The following GYG2 variants were observed in gnomAD, a reference collection of about 807,000 sequenced individuals.
GYG2 encodes the protein glycogenin 2.
A neutral mutation model predicts 29.4 loss-of-function variants in GYG2; 29 were observed. That is an observed-to-expected ratio of 0.99 (90% confidence interval 0.74 to 1.35). The LOEUF is 1.35. GYG2 is among the 40% of genes most tolerant of loss of function. The probability of loss-of-function intolerance (pLI) is 0.00; values close to 1 mark genes in which losing one functional copy is unlikely to be tolerated. For missense variants in GYG2, 370 were observed against 385.7 expected, an observed-to-expected ratio of 0.96 and a Z score of 0.34; for synonymous variants, 167 against 172.3, an observed-to-expected ratio of 0.97 and a Z score of 0.24.
At chrX:2,860,147 T>G (rs1353111853) in intron 7 of GYG2, 82 bp downstream of exon 7, 1 of 547,850 alleles carries the variant, frequency 1.8e-6, no homozygotes, top group African/African-American at 2.4e-5. Context: ...GGTTTTTTTT[T>G]GAAATGCCCC....
intron 4 of GYG2, 112 bp from the exon 5 acceptor site, chrX:2,854,881 G>A (rs772670850): frequency 4.6e-6 from 4 of 875,182 alleles, no homozygotes; most frequent in Non-Finnish European, 6.4e-6. Flanking sequence ...GCAGTGAGCC[G>A]AGACTGAAGC....
intron 8 of GYG2, among the ~76,000 whole-genome samples, chrX:2,867,534 G>C (rs1270628531): frequency 9.0e-6 from 1 of 111,564 alleles, no homozygotes; most frequent in Non-Finnish European, 1.9e-5. Context: ...CTTGGACGCT[G>C]AAATGTTTAG....
chrX:2,830,047 G>T lies in GYG2; in HGVS notation c.-128-14G>T. On this transcript the variant is annotated splice_polypyrimidine_tract_variant and intron_variant, in intron 1 of 10. Transcript: ENST00000398806. ...CAGCCGAGGGTGTCGAGACTGCCAC[G>T]CTGTCGCCCCCAGGCCTGGAAATCC... 1 of 549,740 alleles carries T rather than the reference G, an allele frequency of 1.8e-6. No homozygotes were observed. The highest frequency in any genetic ancestry group is 3.0e-5 in the Admixed American group (1 of 33,245). 45.3% of individuals were successfully genotyped at this position (549,740 alleles called of 1,213,427 possible). A position where few individuals can be genotyped will look rare whatever the true frequency, so the allele number is the denominator to read the frequency against.
At chrX:2,868,177 C>T (rs375018778) in intron 8 of GYG2, among the ~76,000 whole-genome samples, 3 of 110,566 alleles carry the variant, frequency 2.7e-5, no homozygotes, top group Non-Finnish European at 3.8e-5. Context: ...AACACAGATA[C>T]GAAAAACCCT....
chrX:2,856,799 C>CTATCTATCATCTATCATCT (rs5901212), intron 6 of GYG2, among the ~76,000 whole-genome samples, 175 bp downstream of exon 6: 3 of 91,499 alleles, frequency 3.3e-5, no homozygotes, highest in African/African-American at 1.3e-4. Flanking sequence ...ATCTATCTAT[C>CTATCTATCATCTATCATCT]ATCTATCTAT....
intron 8 of GYG2, among the ~76,000 whole-genome samples, chrX:2,874,416 G>T (rs975615866): frequency 1.2e-4 from 14 of 112,472 alleles, no homozygotes; most frequent in Admixed American, 1.0e-3. Flanking sequence ...CTTCATTTTA[G>T]ATATTACTTC....
chrX:2,862,136 G>A (rs778559721), intron 8 of GYG2, among the ~76,000 whole-genome samples: 131 of 110,398 alleles, frequency 1.2e-3, no homozygotes, highest in African/African-American at 4.1e-3. Flanking sequence ...AGAGAGAGAG[G>A]GGATTGGAAG....
chrX:2,862,717 C>T (rs960546082), intron 8 of GYG2, among the ~76,000 whole-genome samples: 9 of 111,386 alleles, frequency 8.1e-5, no homozygotes, highest in African/African-American at 2.9e-4. Context: ...GTCATTTCTC[C>T]AGCTCCAATT....
intron 3 of GYG2, among the ~76,000 whole-genome samples, chrX:2,851,501 C>T (rs750748062): frequency 2.5e-4 from 28 of 112,060 alleles, no homozygotes; most frequent in Non-Finnish European, 4.1e-4. Context: ...GCCTAGGCCT[C>T]CCAAGGTGCT....
At chrX:2,848,751 A>G in intron 3 of GYG2, among the ~76,000 whole-genome samples, 1 of 111,752 alleles carries the variant, frequency 8.9e-6, no homozygotes, top group Non-Finnish European at 1.9e-5. Context: ...ATTTTCCATC[A>G]TGTGATTATT....
chrX:2,847,490 A>G (rs2147177503), intron 3 of GYG2, among the ~76,000 whole-genome samples: 1 of 100,011 alleles, frequency 1.0e-5, no homozygotes, highest in Non-Finnish European at 2.0e-5. Flanking sequence ...GGAGTTCGAG[A>G]CCAGCCTGGC....
intron 3 of GYG2, chrX:2,853,450 G>A (rs747546100): frequency 1.8e-5 from 2 of 111,168 alleles, no homozygotes; most frequent in South Asian, 3.8e-4. Context: ...CAAGTGATCC[G>A]GCTGCCTCGG....
intron 6 of GYG2, among the ~76,000 whole-genome samples, chrX:2,858,689 G>A (rs754205541): frequency 1.8e-5 from 2 of 111,676 alleles, no homozygotes; most frequent in East Asian, 5.6e-4. Context: ...TCTTGGGAGT[G>A]AAATCTTGTT....
intron 3 of GYG2, among the ~76,000 whole-genome samples, chrX:2,844,959 T>C (rs1325333639): frequency 9.7e-5 from 10 of 103,570 alleles, no homozygotes; most frequent in South Asian, 4.0e-4. Context: ...TATATACATG[T>C]ATGTATATAT....
intron 3 of GYG2, among the ~76,000 whole-genome samples, chrX:2,846,055 A>ATATTTTTT (rs2087723665): frequency 2.6e-5 from 1 of 38,679 alleles, no homozygotes; most frequent in Non-Finnish European, 4.4e-5. Context: ...ATATATATAT[A>ATATTTTTT]TTTTTTTTTT....
chrX:2,877,073 G>A (rs965625652), intron 9 of GYG2, 127 bp from the exon 10 acceptor site: 11 of 919,975 alleles, frequency 1.2e-5, no homozygotes, highest in South Asian at 2.7e-5. Flanking sequence ...ATGAGCCACC[G>A]CGCCTGGCCT....
At chrX:2,849,702 G>A (rs780303229) in intron 3 of GYG2, among the ~76,000 whole-genome samples, 3 of 112,288 alleles carry the variant, frequency 2.7e-5, no homozygotes, top group South Asian at 3.7e-4. Flanking sequence ...CTTTAGTACC[G>A]TAATTTGAAA....
intron 9 of GYG2, 118 bp downstream of exon 9, chrX:2,876,032 CCT>C: frequency 1.7e-5 from 4 of 241,396 alleles, no homozygotes; most frequent in African/African-American, 9.6e-5. Flanking sequence ...AAAATTCCTC[CCT>C]TTTTTTTTTT....
chrX:2,870,085 T>A (rs913057944), intron 8 of GYG2, among the ~76,000 whole-genome samples: 4 of 108,495 alleles, frequency 3.7e-5, no homozygotes, highest in African/African-American at 1.4e-4. Flanking sequence ...ATTAAAAGAT[T>A]ACAGATGTCC....
Sources: allele counts gnomAD v4.1 joint callset (sites outside exome capture counted in the v4.1 genomes callset), GRCh38; gene constraint gnomAD v4.1.1; transcripts MANE v1.5; gene names NCBI Gene and HGNC (gene_info 2026-07-23, HGNC 2026-07-21).